Variants in LRP1B observed in about 807,000 individuals in gnomAD.
LRP1B encodes low-density lipoprotein receptor-related protein 1B.
LRP1B carries 217 observed loss-of-function variants against 556.6 expected under a neutral mutation model. The observed-to-expected ratio is 0.39, with a 90% CI of 0.35 to 0.44. The LOEUF is 0.44. Ranked by LOEUF, LRP1B falls within the 20% of genes least tolerant of loss-of-function variation. The pLI is 1.00. For missense variants in LRP1B, 5,053 were observed against 5,620.8 expected (o/e 0.90, Z 3.23); for synonymous variants, 2,047 against 1,865.8 (o/e 1.10, Z -2.50).
chr2:141,894,950 A>T (rs190413751), intron 1 of LRP1B, among the ~76,000 whole-genome samples: 111 of 149,862 alleles, frequency 7.4e-4, no homozygotes, highest in Non-Finnish European at 3.4e-4. Context: ...TGGGTGGCTG[A>T]GGCAAGAGAA....
intron 6 of LRP1B, among the ~76,000 whole-genome samples, chr2:141,210,003 C>T (rs1335099628): frequency 2.6e-5 from 4 of 151,750 alleles, no homozygotes; most frequent in African/African-American, 9.7e-5. Flanking sequence ...CTCCCAAATA[C>T]TGTGGTAGGG....
At chr2:140,993,050 A>C (rs1237031503) in intron 16 of LRP1B, among the ~76,000 whole-genome samples, 1 of 152,052 alleles carries the variant, frequency 6.6e-6, no homozygotes, top group African/African-American at 2.4e-5. Context: ...TGTTTGAATA[A>C]AATGGATGCC....
intron 20 of LRP1B, among the ~76,000 whole-genome samples, chr2:140,928,126 C>T (rs544747058): frequency 8.1e-4 from 124 of 152,158 alleles, no homozygotes; most frequent in Non-Finnish European, 1.5e-3. Flanking sequence ...TTCACCATTA[C>T]ACCATGGAAC....
At chr2:140,739,795 T>C (rs1469940309) in intron 35 of LRP1B, among the ~76,000 whole-genome samples, 2 of 152,058 alleles carry the variant, frequency 1.3e-5, no homozygotes, top group East Asian at 1.9e-4. Context: ...AGGACTGATA[T>C]CCAGAAACTT....
chr2:141,432,782 T>G (rs547677162), intron 3 of LRP1B, among the ~76,000 whole-genome samples: 36 of 152,144 alleles, frequency 2.4e-4, no homozygotes, highest in African/African-American at 7.2e-4. Flanking sequence ...TTTAGTAATT[T>G]GAGTATTTTG....
chr2:140,742,611 T>A (rs938888120), intron 35 of LRP1B, among the ~76,000 whole-genome samples: 1 of 152,018 alleles, frequency 6.6e-6, no homozygotes, highest in Non-Finnish European at 1.5e-5. Flanking sequence ...ATTATAAATT[T>A]TTTTTTATTA....
chr2:141,584,817 C>A (rs72978016), intron 2 of LRP1B, among the ~76,000 whole-genome samples: 3,710 of 152,024 alleles, frequency 0.024, 168 homozygotes, highest in African/African-American at 0.082. Context: ...TGTATAATTC[C>A]ATTTATATGA....
intron 32 of LRP1B, among the ~76,000 whole-genome samples, chr2:140,799,514 G>A (rs747204629): frequency 2.0e-5 from 3 of 152,134 alleles, no homozygotes; most frequent in Non-Finnish European, 4.4e-5. Context: ...GGCAGCCCAA[G>A]CTGTCTAACA....
At position 140,707,067 on chromosome 2, in the gene LRP1B, T is replaced by C. The variant is rs563417967; in HGVS notation, c.6024-4514A>G. Among the ~76,000 whole-genome samples, 10 of 152,252 alleles carry C rather than the reference T, an allele frequency of 6.6e-5. No homozygotes were observed. In the East Asian group the frequency reaches 7.7e-4, roughly 12 times the overall value. ...GAACAGTTGTGAAAAGCAAGACTAG[T>C]TGGCATTAATCATTTTCTCTGGATT... On this transcript the variant is annotated intron_variant, in intron 37 of 90. Coordinates refer to ENST00000389484, the MANE Select transcript of LRP1B (RefSeq NM_018557.3).
At chr2:141,277,987 T>C (rs922839820) in intron 3 of LRP1B, among the ~76,000 whole-genome samples, 1 of 152,178 alleles carries the variant, frequency 6.6e-6, no homozygotes, top group African/African-American at 2.4e-5. Context: ...TCCATACTTC[T>C]TGAAAATAAT....
chr2:141,244,719 C>A (rs750224051), intron 5 of LRP1B, among the ~76,000 whole-genome samples: 3 of 152,122 alleles, frequency 2.0e-5, no homozygotes, highest in Non-Finnish European at 4.4e-5. Context: ...GGCAGTTTTT[C>A]TCTTAAATTG....
chr2:141,692,673 G>A (rs796203624), intron 2 of LRP1B, among the ~76,000 whole-genome samples: 5 of 152,040 alleles, frequency 3.3e-5, no homozygotes, highest in African/African-American at 1.2e-4. Flanking sequence ...GTGTGCTTAG[G>A]TCATTTTGCC....
At chr2:140,743,949 G>C (rs1431624890) in intron 35 of LRP1B, among the ~76,000 whole-genome samples, 1 of 106,534 alleles carries the variant, frequency 9.4e-6, no homozygotes, top group East Asian at 3.0e-4. Context: ...CCTGGCGACA[G>C]AGTGAGACTT....
At chr2:140,844,680 G>A (rs911751015) in intron 29 of LRP1B, among the ~76,000 whole-genome samples, 2 of 152,106 alleles carry the variant, frequency 1.3e-5, no homozygotes, top group African/African-American at 4.8e-5. Context: ...TAATTTTCCA[G>A]TTCTGGGGTC....
chr2:140,403,204 A>C (rs1684583478), intron 66 of LRP1B, among the ~76,000 whole-genome samples: 2 of 152,196 alleles, frequency 1.3e-5, no homozygotes, highest in South Asian at 4.1e-4. Flanking sequence ...CCAGAAAAGT[A>C]ATTCTGATAA....
chr2:141,477,401 C>A (rs1315590407), intron 3 of LRP1B, among the ~76,000 whole-genome samples: 1 of 151,868 alleles, frequency 6.6e-6, no homozygotes, highest in East Asian at 1.9e-4. Context: ...AAGTTCCTTA[C>A]AGACTTGATG....
intron 3 of LRP1B, among the ~76,000 whole-genome samples, chr2:141,322,455 A>T (rs887592354): frequency 1.2e-4 from 19 of 152,006 alleles, no homozygotes; most frequent in African/African-American, 4.6e-4. Flanking sequence ...TCCTGGTGGG[A>T]TATTCGAATT....
At chr2:140,279,193 A>G (rs1682814369) in intron 84 of LRP1B, among the ~76,000 whole-genome samples, 2 of 152,002 alleles carry the variant, frequency 1.3e-5, no homozygotes, top group South Asian at 4.1e-4. Context: ...TTAATAATAG[A>G]CTTTAGCATC....
chr2:142,124,065 G>C (rs1377623447), intron 1 of LRP1B, among the ~76,000 whole-genome samples: 1 of 151,590 alleles, frequency 6.6e-6, no homozygotes, highest in African/African-American at 2.4e-5. Context: ...TAGATTTGGG[G>C]GTACATGTGA....
Sources: allele counts gnomAD v4.1 joint callset (sites outside exome capture counted in the v4.1 genomes callset), GRCh38; gene constraint gnomAD v4.1.1; transcripts MANE v1.5; gene names NCBI Gene and HGNC (gene_info 2026-07-23, HGNC 2026-07-21).